KRT6A: variants seen among roughly 807,000 people sequenced by gnomAD.
KRT6A encodes the protein keratin, type II cytoskeletal 6A.
In KRT6A, 28 loss-of-function variants were observed where a neutral mutation model predicts 48.6. The observed-to-expected ratio is 0.58, with a 90% CI of 0.43 to 0.79. The LOEUF is 0.79. KRT6A is among the 30% of genes least tolerant of loss of function. KRT6A has a pLI of 0.00. For missense variants in KRT6A, 687 were observed against 724.3 expected (o/e 0.95, Z 0.59); for synonymous variants, 301 against 294.2 (o/e 1.02, Z -0.24).
In KRT6A at chr12:52,487,803, C is replaced by T. The variant is rs1290701411; in HGVS notation, c.1612G>A (p.Gly538Ser). ...SSSSGRAIGG[G>S]LSSVGGGSST... The stretch of plus-strand genomic sequence containing the variant: ...CTGCCGCCTCCAACAGAGCTGAGGC[C>T]ACCCCCAATGGCTCTGCCACTGCTG... Residue 538 changes from glycine (G) to serine (S), a missense_variant, in exon 9 of 9, where the codon GGC (glycine) becomes AGC (serine). Physicochemically the swap from Gly to Ser is moderately conservative, Grantham distance 56 (BLOSUM62 0). Transcript: ENST00000330722. 3.7e-6 allele frequency: 6 copies of T among 1,613,970 alleles called. No individual in the cohort carries two copies. The highest frequency in any genetic ancestry group is 5.1e-6 in the Non-Finnish European group (6 of 1,179,962).
chr12:52,492,334 G>T (rs775838930), intron 1 of KRT6A, among the ~76,000 whole-genome samples: 1 of 151,862 alleles, frequency 6.6e-6, no homozygotes, highest in African/African-American at 2.4e-5. Flanking sequence ...TTACCAGCCC[G>T]TGTACTCCTG....
rs1430978027 is a variant in KRT6A, at chr12:52,488,437, G to T, written c.1315C>A (p.Gln439Lys). The T allele has an allele frequency of 1.2e-6, 2 of 1,614,066 alleles. No homozygotes were observed. The highest frequency in any genetic ancestry group is 1.7e-6 in the Non-Finnish European group (2 of 1,180,058). ...GLEDALQKAK[Q>K]DLARLLKEYQ... The stretch of plus-strand genomic sequence containing the variant: ...TCCTTCAGCAGCCGGGCCAGGTCCT[G>T]CTTGGCCTTCTGCAGGGCATCCTCC... The change falls in exon 7 of 9, where the codon CAG becomes AAG. Residue 439 changes from glutamine to lysine, a missense_variant. Gln to Lys is a moderately conservative substitution (Grantham distance 53). Transcript: ENST00000330722.
chr12:52,488,987 T>G (rs1418745152), intron 6 of KRT6A, among the ~76,000 whole-genome samples: 1 of 152,200 alleles, frequency 6.6e-6, no homozygotes, highest in Non-Finnish European at 1.5e-5. Context: ...TTCCTCCCCC[T>G]CAGAATCTCT....
At position 52,491,163 on chromosome 12, in the gene KRT6A, A is replaced by T; in HGVS notation, c.765T>A (p.Asp255Glu). The change falls in exon 3 of 9, where the codon GAT (aspartate) becomes GAA (glutamate). Residue 255 changes from aspartate (D) to glutamate (E), a missense_variant. Coordinates refer to ENST00000330722, the MANE Select transcript of KRT6A (RefSeq NM_005554.4). ...LVEDFKNKYEDEINKRTAAEN... is the reference protein window; with the variant it reads ...LVEDFKNKYEEEINKRTAAEN... ...CTGCTGCTGTGCGCTTGTTGATTTCATCCTCATATCTACAGGAAGAAAGGC... is the reference window on the plus strand; with the variant it reads ...CTGCTGCTGTGCGCTTGTTGATTTCTTCCTCATATCTACAGGAAGAAAGGC... 1.2e-6 allele frequency: 2 copies of T among 1,613,872 alleles called. No individual in the cohort carries two copies. Among genetic ancestry groups the T allele is most frequent in the Non-Finnish European group, 8.5e-7 (1 of 1,179,846 alleles).
At position 52,488,495 on chromosome 12, in the gene KRT6A, G is replaced by A. The variant is rs564140506; in HGVS notation, c.1257C>T (p.Ala419=). 1 of 1,614,120 alleles carries A rather than the reference G, an allele frequency of 6.2e-7. No homozygotes were observed. Among genetic ancestry groups the A allele is most frequent in the Non-Finnish European group, 8.5e-7 (1 of 1,180,042 alleles). ...IADAEQRGEM[A]LKDAKNKLEG... ...CCAGCTTGTTCTTGGCATCCTTGAG[G>A]GCCATCTCCCCACGCTGCTCAGCAT... The change falls in exon 7 of 9, where the codon GCC becomes GCT. Residue 419 remains alanine (A), a synonymous_variant. Coordinates refer to ENST00000330722, the MANE Select transcript of KRT6A (RefSeq NM_005554.4).
chr12:52,487,762 G>A lies in KRT6A; in HGVS notation c.1653C>T (p.Tyr551=). 1.9e-6 allele frequency: 3 copies of A among 1,614,126 alleles called. No homozygotes were observed. The highest frequency in any genetic ancestry group is 2.5e-6 in the Non-Finnish European group (3 of 1,179,996). The change falls in exon 9 of 9, where the codon TAC becomes TAT. Residue 551 remains tyrosine, a synonymous_variant. Transcript: ENST00000330722. ...TCCTGCTGGAGGAGGAGGTGGTGGTGTACTTGATGGTGGAACTGCCGCCTC... is the reference window on the plus strand; with the variant it reads ...TCCTGCTGGAGGAGGAGGTGGTGGTATACTTGATGGTGGAACTGCCGCCTC... ...SVGGGSSTIK[Y]TTTSSSSRKS...
At chr12:52,492,561 T>A (rs549661227) in intron 1 of KRT6A, 88 bp downstream of exon 1, 1 of 1,610,436 alleles carries the variant, frequency 6.2e-7, no homozygotes, top group Non-Finnish European at 8.5e-7. Context: ...CTCTTCTCCC[T>A]CCCTCCTAGG....
intron 5 of KRT6A, 130 bp from the exon 6 acceptor site, chr12:52,490,198 T>G (rs987367420): frequency 1.3e-6 from 2 of 1,571,780 alleles, no homozygotes; most frequent in African/African-American, 1.4e-5. Flanking sequence ...TGAGGAAAAG[T>G]TGATATTATG....
In KRT6A at chr12:52,490,080, A is replaced by G; in HGVS notation, c.1078-12T>C. On this transcript the variant is annotated splice_polypyrimidine_tract_variant and intron_variant, in intron 5 of 8. Transcript: ENST00000330722. ...TGCAGCTCCTCGTACTGCAGCCCAG[A>G]GGTGGAGAGAGAGACAGTGTCTACG... 2 of 1,613,916 alleles carry G rather than the reference A, an allele frequency of 1.2e-6. No homozygotes were observed. The highest frequency in any genetic ancestry group is 1.7e-5 in the Admixed American group (1 of 60,010).
At position 52,487,939 on chromosome 12, in the gene KRT6A, G is replaced by A. The variant is rs200390705; in HGVS notation, c.1476C>T (p.Thr492=). ...TGGCACCGCCATAGCCACTGGAGAC[G>A]GTGGACTGCACCACAGCTGTGATGG... ...GQVNISVVQS[T]VSSGYGGASG... The change falls in exon 9 of 9, where the codon ACC becomes ACT. Residue 492 remains threonine, a synonymous_variant. Transcript: ENST00000330722. 23 of 1,614,160 alleles carry A rather than the reference G, an allele frequency of 1.4e-5. No homozygotes were observed. The Admixed American group carries it at 2.2e-4, about 15-fold the overall frequency.
At chr12:52,492,271 C>T (rs1223595916) in intron 1 of KRT6A, among the ~76,000 whole-genome samples, 1 of 152,020 alleles carries the variant, frequency 6.6e-6, no homozygotes, top group East Asian at 1.9e-4. Flanking sequence ...GCCAAAATAT[C>T]CTTTCTTTTG....
Position 52,492,819 on chromosome 12 carries a change from C to A in KRT6A, c.370G>T (p.Gly124Cys). The A allele has an allele frequency of 6.2e-7, 1 of 1,612,698 alleles. No individual in the cohort carries two copies. Among genetic ancestry groups the A allele is most frequent in the Non-Finnish European group, 8.5e-7 (1 of 1,179,580 alleles). Residue 124 changes from glycine (G) to cysteine (C), a missense_variant, in exon 1 of 9, where the codon GGC (glycine) becomes TGC (cysteine). Gly to Cys is a radical substitution (Grantham distance 159, BLOSUM62 -3). Transcript: ENST00000330722. ...GGGGGGCACACAGGGAAGCCAGGGC[C>A]CCCAAAGCCACCAGCAAGGCCGGCT... The part of the protein sequence containing the change: ...GGAGLAGGFG[G>C]PGFPVCPPGG...
In KRT6A at chr12:52,487,532, G is replaced by A. The variant is rs1305561444; in HGVS notation, c.*188C>T. ...TGTAAAATCAGAGGTTGATCTGATG[G>A]TGAGCAATGGGTGCTCAGATGGTAT... On this transcript the variant is annotated 3_prime_UTR_variant, in exon 9 of 9. Coordinates refer to ENST00000330722, the MANE Select transcript of KRT6A (RefSeq NM_005554.4). 12 of 664,450 alleles carry A rather than the reference G, an allele frequency of 1.8e-5. No homozygotes were observed. The African/African-American group carries it at 2.0e-4, about 11-fold the overall frequency. The allele number at this position is 664,450 out of a possible 1,614,324, so 41.2% of individuals were successfully genotyped here. A position where few individuals can be genotyped will look rare whatever the true frequency, so the allele number is the denominator to read the frequency against.
chr12:52,488,683 TG>T (rs1461595179), intron 6 of KRT6A, 135 bp from the exon 7 acceptor site: 31 of 1,166,034 alleles, frequency 2.7e-5, no homozygotes, highest in Non-Finnish European at 3.7e-5. Context: ...TCCTATCTAT[TG>T]TTTTTTTTTT....
At chr12:52,492,612 C>T (rs4761914) in intron 1 of KRT6A, 37 bp downstream of exon 1, 58,274 of 1,613,892 alleles carry the variant, frequency 0.036, 1,291 homozygotes, top group Non-Finnish European at 0.042. Context: ...GTCTGGGGAC[C>T]CTGAAGTGCC....
intron 5 of KRT6A, 135 bp downstream of exon 5, chr12:52,490,434 T>G (rs1938239022): frequency 6.9e-6 from 10 of 1,442,280 alleles, no homozygotes; most frequent in Non-Finnish European, 8.8e-6. Context: ...AAATGTCTAC[T>G]CTAATAGTGC....
Position 52,487,900 on chromosome 12 carries a change from A to C in KRT6A, c.1515T>G (p.Ser505Arg). The C allele has an allele frequency of 6.2e-7, 1 of 1,614,054 alleles. No individual in the cohort carries two copies. Among genetic ancestry groups the C allele is most frequent in the Admixed American group, 1.7e-5 (1 of 60,026 alleles). The change falls in exon 9 of 9, where the codon AGT (serine) becomes AGG (arginine). Residue 505 changes from serine (S) to arginine (R), a missense_variant. By Grantham distance (110) the Ser-to-Arg change is moderately radical. Transcript: ENST00000330722. Reference protein sequence around the residue: ...SGYGGASGVGSGLGLGGGSSY... With the variant: ...SGYGGASGVGRGLGLGGGSSY... ...TGCTTCCTCCACCCAGGCCTAAGCC[A>C]CTGCCGACACCACTGGCACCGCCAT...
At chr12:52,491,296 C>T (rs1938257524) in intron 2 of KRT6A, 124 bp from the exon 3 acceptor site, 1 of 1,569,070 alleles carries the variant, frequency 6.4e-7, no homozygotes, top group Non-Finnish European at 8.8e-7. Context: ...CCACAGAGAG[C>T]CTAAGAGACG....
At chr12:52,491,814 T>A (rs1592186082) in intron 1 of KRT6A, 78 bp from the exon 2 acceptor site, 1 of 1,566,852 alleles carries the variant, frequency 6.4e-7, no homozygotes, top group African/African-American at 1.4e-5. Context: ...TCCTGGCAGG[T>A]CCGGGAGGTT....
Sources: gnomAD v4.1 joint callset for allele counts (sites outside exome capture counted in the v4.1 genomes callset) on GRCh38, gnomAD v4.1.1 for gene constraint, MANE v1.5 for transcripts, NCBI Gene and HGNC (gene_info 2026-07-23, HGNC 2026-07-21) for gene names.